PCCA: variants seen among roughly 807,000 people sequenced by gnomAD.
PCCA encodes the protein propionyl-CoA carboxylase alpha chain, mitochondrial.
A neutral mutation model predicts 101.3 loss-of-function variants in PCCA; 74 were observed. The observed-to-expected ratio is 0.73, with a 90% CI of 0.61 to 0.89. PCCA has a LOEUF of 0.89. Ranked by LOEUF, PCCA falls within the 40% of genes least tolerant of loss-of-function variation. The pLI is 0.00. For synonymous variants in PCCA, 294 were observed against 313.6 expected (o/e 0.94, Z 0.66); for missense variants, 891 against 907.0 (o/e 0.98, Z 0.23).
chr13:100,256,487 G>T (rs2062084530), intron 8 of PCCA, among the ~76,000 whole-genome samples: 1 of 152,040 alleles, frequency 6.6e-6, no homozygotes, highest in South Asian at 2.1e-4. Flanking sequence ...ACTGAGCATT[G>T]TTTCAAAAAT....
chr13:100,122,042 C>T (rs1482123368), intron 4 of PCCA, among the ~76,000 whole-genome samples: 2 of 152,120 alleles, frequency 1.3e-5, no homozygotes, highest in African/African-American at 4.8e-5. Context: ...TCCTAGTTTA[C>T]TGAGGGATTT....
chr13:100,404,326 A>G (rs1192993855), intron 19 of PCCA, among the ~76,000 whole-genome samples: 2 of 152,162 alleles, frequency 1.3e-5, no homozygotes, highest in Non-Finnish European at 2.9e-5. Flanking sequence ...CCTTCCCCTG[A>G]GCCCAGTCCT....
At chr13:100,371,953 A>G (rs1446691711) in intron 19 of PCCA, among the ~76,000 whole-genome samples, 1 of 152,252 alleles carries the variant, frequency 6.6e-6, no homozygotes, top group Non-Finnish European at 1.5e-5. Flanking sequence ...TTTCAACATG[A>G]ATAAATTTGG....
intron 21 of PCCA, among the ~76,000 whole-genome samples, chr13:100,461,924 C>T (rs939655049): frequency 2.6e-5 from 4 of 152,204 alleles, no homozygotes; most frequent in Admixed American, 2.6e-4. Flanking sequence ...TTACCCTCAA[C>T]TCCACAGGGC....
chr13:100,375,405 C>G (rs184374945), intron 19 of PCCA, among the ~76,000 whole-genome samples: 14 of 152,280 alleles, frequency 9.2e-5, no homozygotes, highest in Admixed American at 3.9e-4. Context: ...GAGTTGAGTT[C>G]AAGTCCTGAA....
At chr13:100,100,859 C>T (rs1021048235) in intron 1 of PCCA, among the ~76,000 whole-genome samples, 1 of 151,416 alleles carries the variant, frequency 6.6e-6, no homozygotes, top group East Asian at 1.9e-4. Flanking sequence ...ACAAACTTGG[C>T]TCACTGCAAC....
intron 16 of PCCA, among the ~76,000 whole-genome samples, chr13:100,316,571 G>A (rs1719935418): frequency 6.6e-6 from 1 of 151,938 alleles, no homozygotes; most frequent in South Asian, 2.1e-4. Context: ...ACAAATTTTG[G>A]GCATCAGAAA....
chr13:100,273,330 T>C lies in PCCA; in HGVS notation c.1049T>C (p.Met350Thr). 2 of 1,612,748 alleles carry C rather than the reference T, an allele frequency of 1.2e-6. No homozygotes were observed. The highest frequency in any genetic ancestry group is 1.7e-6 in the Non-Finnish European group (2 of 1,178,712). The change falls in exon 12 of 24, where the codon ATG (methionine) becomes ACG (threonine). Residue 350 changes from methionine to threonine, a missense_variant. Met to Thr is a moderately conservative substitution (Grantham distance 81). Transcript: ENST00000376285. ...DSKKNFYFLEMNTRLQVEHPV... is the reference protein window; with the variant it reads ...DSKKNFYFLETNTRLQVEHPV... ...AAGAAGAATTTTTATTTCTTGGAAATGAATACAAGACTCCAGGTAACAACA... is the reference window on the plus strand; with the variant it reads ...AAGAAGAATTTTTATTTCTTGGAAACGAATACAAGACTCCAGGTAACAACA...
chr13:100,409,795 T>C (rs1360227384), intron 19 of PCCA, among the ~76,000 whole-genome samples: 2 of 152,106 alleles, frequency 1.3e-5, no homozygotes, highest in Admixed American at 1.3e-4. Context: ...TGAGATGGAG[T>C]CTCATTCTGT....
chr13:100,516,949 A>G (rs2086875640), intron 22 of PCCA, among the ~76,000 whole-genome samples: 1 of 147,470 alleles, frequency 6.8e-6, no homozygotes, highest in Non-Finnish European at 1.5e-5. Flanking sequence ...TGTTTTTTTC[A>G]TTTTTCTTAA....
At chr13:100,332,854 T>C (rs1163344127) in intron 17 of PCCA, among the ~76,000 whole-genome samples, 1 of 152,212 alleles carries the variant, frequency 6.6e-6, no homozygotes, top group Non-Finnish European at 1.5e-5. Context: ...TTAGCAATTA[T>C]TTAGTTGCAG....
At chr13:100,494,402 G>A (rs1248514548) in intron 21 of PCCA, among the ~76,000 whole-genome samples, 5 of 151,876 alleles carry the variant, frequency 3.3e-5, no homozygotes, top group East Asian at 2.0e-4. Flanking sequence ...TTGAAATTCC[G>A]GCCGGGTACG....
At chr13:100,147,662 G>A (rs2052746213) in intron 4 of PCCA, among the ~76,000 whole-genome samples, 1 of 152,114 alleles carries the variant, frequency 6.6e-6, no homozygotes, top group South Asian at 2.1e-4. Flanking sequence ...TTTCTCTTTA[G>A]TAAGTGGAAA....
chr13:100,169,270 C>T (rs951739751), intron 6 of PCCA, among the ~76,000 whole-genome samples: 18 of 150,696 alleles, frequency 1.2e-4, no homozygotes, highest in African/African-American at 2.4e-4. Context: ...GGTGAAACCC[C>T]GTCTCTACTA....
At chr13:100,426,257 A>T (rs903435039) in intron 20 of PCCA, among the ~76,000 whole-genome samples, 1 of 152,026 alleles carries the variant, frequency 6.6e-6, no homozygotes, top group African/African-American at 2.4e-5. Context: ...TCGATAGAAC[A>T]TTTTTTGTAA....
chr13:100,108,776 T>C (rs2048039403), intron 2 of PCCA, among the ~76,000 whole-genome samples: 1 of 152,224 alleles, frequency 6.6e-6, no homozygotes, highest in Non-Finnish European at 1.5e-5. Flanking sequence ...GCATATTCTT[T>C]TATAGGCATA....
intron 7 of PCCA, among the ~76,000 whole-genome samples, chr13:100,234,223 G>A (rs1168515188): frequency 6.6e-6 from 1 of 152,156 alleles, no homozygotes; most frequent in Non-Finnish European, 1.5e-5. Context: ...TCCAATAACT[G>A]TCACTGGCTG....
chr13:100,328,991 C>CTT (rs534310079), intron 16 of PCCA, among the ~76,000 whole-genome samples: 21 of 96,344 alleles, frequency 2.2e-4, no homozygotes, highest in East Asian at 1.9e-3. Flanking sequence ...CGCGCCTGGA[C>CTT]TTTTTTTTTT....
chr13:100,314,497 C>T (rs184502924), intron 16 of PCCA, among the ~76,000 whole-genome samples: 49 of 152,234 alleles, frequency 3.2e-4, no homozygotes, highest in African/African-American at 1.1e-3. Flanking sequence ...GTTCCAACCC[C>T]TTAATCACAT....
Sources: gnomAD v4.1 joint callset for allele counts (sites outside exome capture counted in the v4.1 genomes callset) on GRCh38, gnomAD v4.1.1 for gene constraint, MANE v1.5 for transcripts, NCBI Gene and HGNC (gene_info 2026-07-23, HGNC 2026-07-21) for gene names.